KCNJ6: variants seen among roughly 807,000 people sequenced by gnomAD.
KCNJ6 encodes G protein-activated inward rectifier potassium channel 2.
Under a neutral mutation model 34.2 loss-of-function variants are expected in KCNJ6, and 9 were observed. The ratio of observed to expected loss-of-function variants is 0.26; its 90% CI spans 0.16 to 0.46. KCNJ6 has a LOEUF of 0.46. Ranked by LOEUF, KCNJ6 falls within the 20% of genes least tolerant of loss-of-function variation. KCNJ6 has a pLI of 1.00. For synonymous variants in KCNJ6, 196 were observed against 207.1 expected (o/e 0.95, Z 0.46); for missense variants, 236 against 531.3 (o/e 0.44, Z 5.46).
At chr21:37,848,844 C>G (rs954341060) in intron 1 of KCNJ6, among the ~76,000 whole-genome samples, 2 of 152,260 alleles carry the variant, frequency 1.3e-5, no homozygotes, top group Admixed American at 6.5e-5. Context: ...TTTCTCCAAA[C>G]CCAGCTGTGT....
At chr21:37,863,845 G>GGTTTTTTTT (rs2055606694) in intron 1 of KCNJ6, among the ~76,000 whole-genome samples, 1 of 34,500 alleles carries the variant, frequency 2.9e-5, no homozygotes, top group Non-Finnish European at 5.1e-5. Flanking sequence ...AAAATATAAA[G>GGTTTTTTTT]GTTTTTTTTT....
In KCNJ6 at chr21:37,866,585, C is replaced by T. The variant is rs191582646; in HGVS notation, c.-27-25876G>A. Among the ~76,000 whole-genome samples, 13 of 152,360 alleles carry T rather than the reference C, an allele frequency of 8.5e-5. No homozygotes were observed. The East Asian group carries it at 2.3e-3, about 27-fold the overall frequency. ...GGTTGCATTCAAATGGAATGACCAG[C>T]TGGACATTGGTCCCTGCCTACTGGC... On this transcript the variant is annotated intron_variant, in intron 1 of 3. Coordinates refer to ENST00000609713, the MANE Select transcript of KCNJ6 (RefSeq NM_002240.5).
intron 2 of KCNJ6, among the ~76,000 whole-genome samples, chr21:37,778,143 T>C (rs1183707210): frequency 1.3e-5 from 2 of 152,188 alleles, no homozygotes; most frequent in African/African-American, 4.8e-5. Flanking sequence ...ATAGCAGAGT[T>C]TTTTATTTGA....
chr21:37,673,472 G>C (rs1336458793), intron 3 of KCNJ6, among the ~76,000 whole-genome samples: 1 of 152,216 alleles, frequency 6.6e-6, no homozygotes, highest in Non-Finnish European at 1.5e-5. Context: ...TTTTCTCAGG[G>C]ATAGGATTTG....
chr21:37,771,125 C>T (rs1157375369), intron 2 of KCNJ6, among the ~76,000 whole-genome samples: 1 of 152,152 alleles, frequency 6.6e-6, no homozygotes, highest in Non-Finnish European at 1.5e-5. Context: ...AGTGTGGTTG[C>T]TCAGTTGATA....
At chr21:37,889,004 C>A (rs2055749084) in intron 1 of KCNJ6, among the ~76,000 whole-genome samples, 1 of 152,232 alleles carries the variant, frequency 6.6e-6, no homozygotes, top group African/African-American at 2.4e-5. Flanking sequence ...CCACCTGACA[C>A]CATAAGGCTA....
At chr21:37,911,028 C>T (rs181367591) in intron 1 of KCNJ6, among the ~76,000 whole-genome samples, 5 of 152,194 alleles carry the variant, frequency 3.3e-5, no homozygotes, top group African/African-American at 9.6e-5. Context: ...AGAGAGGATA[C>T]AGACTCTTCT....
Position 37,608,578 on chromosome 21 carries a change from C to T in KCNJ6, c.*16581G>A, listed in dbSNP as rs1396401272. On this transcript the variant is annotated 3_prime_UTR_variant, in exon 4 of 4. Coordinates refer to ENST00000609713, the MANE Select transcript of KCNJ6 (RefSeq NM_002240.5). ...CGCAGAAACTGATCTACTTTCTTTACATTCCAGCAAATTTGTTGTGCCTGT... is the reference window on the plus strand; with the variant it reads ...CGCAGAAACTGATCTACTTTCTTTATATTCCAGCAAATTTGTTGTGCCTGT... 4 of 152,274 alleles carry T rather than the reference C, an allele frequency of 2.6e-5. No individual in the cohort carries two copies. The highest frequency in any genetic ancestry group is 9.6e-5 in the African/African-American group (4 of 41,466). The allele number at this position is 152,274 out of a possible 1,614,324, so 9.4% of individuals were successfully genotyped here. A position where few individuals can be genotyped will look rare whatever the true frequency, so the allele number is the denominator to read the frequency against.
At chr21:37,830,133 G>C (rs969532784) in intron 2 of KCNJ6, among the ~76,000 whole-genome samples, 2 of 152,168 alleles carry the variant, frequency 1.3e-5, no homozygotes, top group African/African-American at 4.8e-5. Context: ...ATCTTTCTGA[G>C]CCTCAATCAG....
chr21:37,863,885 A>G (rs1293660733), intron 1 of KCNJ6, among the ~76,000 whole-genome samples: 3 of 75,726 alleles, frequency 4.0e-5, no homozygotes, highest in African/African-American at 1.3e-4. Flanking sequence ...TGGTGAAGAG[A>G]GAGAAGGTGA....
chr21:37,689,258 C>T (rs1302782250), intron 3 of KCNJ6, among the ~76,000 whole-genome samples: 1 of 152,198 alleles, frequency 6.6e-6, no homozygotes, highest in Non-Finnish European at 1.5e-5. Context: ...CTCCACCATA[C>T]TTAGTGAGAT....
intron 1 of KCNJ6, among the ~76,000 whole-genome samples, chr21:37,871,273 T>C (rs1326500768): frequency 2.0e-5 from 3 of 152,180 alleles, no homozygotes; most frequent in Non-Finnish European, 4.4e-5. Context: ...ATGATAGTCA[T>C]TGAACATGTG....
At chr21:37,666,686 G>A (rs1441236127) in intron 3 of KCNJ6, among the ~76,000 whole-genome samples, 2 of 151,992 alleles carry the variant, frequency 1.3e-5, no homozygotes, top group Admixed American at 6.6e-5. Context: ...GGGCCATGAT[G>A]ACGATGGCAG....
chr21:37,835,804 C>CACCCTA lies in KCNJ6; in HGVS notation c.25+4848_25+4853dup, dbSNP rs11276074. The stretch of plus-strand genomic sequence containing the variant: ...GGTTACCAGCGAGCAAGCTGAGAGT[C>CACCCTA]ACCCTAACCCTAACCCTAACCCTAA... On this transcript the variant is annotated intron_variant, in intron 2 of 3. Coordinates refer to ENST00000609713, the MANE Select transcript of KCNJ6 (RefSeq NM_002240.5). Among the ~76,000 whole-genome samples, 475 of 151,488 alleles carry CACCCTA rather than the reference C, an allele frequency of 3.1e-3. 3 individuals are homozygous for CACCCTA. Among genetic ancestry groups the CACCCTA allele is most frequent in the African/African-American group, 5.4e-3 (222 of 41,398 alleles).
intron 3 of KCNJ6, among the ~76,000 whole-genome samples, chr21:37,626,593 C>G (rs1218631190): frequency 2.0e-5 from 3 of 152,122 alleles, no homozygotes; most frequent in Non-Finnish European, 2.9e-5. Flanking sequence ...TAAAAATAGG[C>G]AACAAGTGTG....
chr21:37,660,377 T>A (rs2054482666), intron 3 of KCNJ6, among the ~76,000 whole-genome samples: 1 of 152,214 alleles, frequency 6.6e-6, no homozygotes, highest in East Asian at 1.9e-4. Context: ...CCAGGCTGGC[T>A]TCGGGGCTCT....
chr21:37,732,714 C>T (rs560976035), intron 2 of KCNJ6, among the ~76,000 whole-genome samples: 2 of 152,262 alleles, frequency 1.3e-5, no homozygotes, highest in East Asian at 3.9e-4. Context: ...ATGTTCCAAC[C>T]CACTTCCCAC....
chr21:37,622,273 T>G lies in KCNJ6; in HGVS notation c.*2886A>C, dbSNP rs890131059. 2 of 152,230 alleles carry G rather than the reference T, an allele frequency of 1.3e-5. No individual in the cohort carries two copies. The highest frequency in any genetic ancestry group is 2.9e-5 in the Non-Finnish European group (2 of 68,042). The allele number at this position is 152,230 out of a possible 1,614,324, so 9.4% of individuals were successfully genotyped here. A position where few individuals can be genotyped will look rare whatever the true frequency, so the allele number is the denominator to read the frequency against. On this transcript the variant is annotated 3_prime_UTR_variant, in exon 4 of 4. Coordinates refer to ENST00000609713, the MANE Select transcript of KCNJ6 (RefSeq NM_002240.5). ...AAAGAGACTTTTAAAAAATTCTCAT[T>G]GCACTTGGTTTGCTAATGGAGTGAC...
At chr21:37,840,536 C>A in intron 2 of KCNJ6, 122 bp downstream of exon 2, 1 of 661,620 alleles carries the variant, frequency 1.5e-6, no homozygotes, top group Non-Finnish European at 2.7e-6. Flanking sequence ...TGAAACAGAT[C>A]TCGGTCCCGT....
Sources: allele counts gnomAD v4.1 joint callset (sites outside exome capture counted in the v4.1 genomes callset), GRCh38; gene constraint gnomAD v4.1.1; transcripts MANE v1.5; gene names NCBI Gene and HGNC (gene_info 2026-07-23, HGNC 2026-07-21).